Variants in LRRTM4 observed in about 807,000 individuals in gnomAD.
The protein encoded by LRRTM4 is leucine-rich repeat transmembrane neuronal protein 4.
A neutral mutation model predicts 47.6 loss-of-function variants in LRRTM4; 25 were observed. That is an observed-to-expected ratio of 0.53 (90% confidence interval 0.38 to 0.73). The LOEUF is 0.73. Ranked by LOEUF, LRRTM4 falls within the 30% of genes least tolerant of loss-of-function variation. The probability of loss-of-function intolerance (pLI) is 0.00; values close to 1 mark genes in which losing one functional copy is unlikely to be tolerated. For synonymous variants in LRRTM4, 311 were observed against 269.5 expected (o/e 1.15, Z -1.51); for missense variants, 638 against 713.4 (o/e 0.89, Z 1.20).
intron 3 of LRRTM4, among the ~76,000 whole-genome samples, chr2:77,369,312 T>C (rs1672570719): frequency 6.6e-6 from 1 of 151,698 alleles, no homozygotes; most frequent in African/African-American, 2.4e-5. Context: ...TTATTTATTT[T>C]TGCTTTTGTA....
chr2:77,081,357 T>C (rs1001737066), intron 3 of LRRTM4, among the ~76,000 whole-genome samples: 2 of 151,840 alleles, frequency 1.3e-5, no homozygotes, highest in Non-Finnish European at 2.9e-5. Context: ...ATATTTCTAT[T>C]ATAAAATGTA....
intron 3 of LRRTM4, among the ~76,000 whole-genome samples, chr2:76,867,646 G>A (rs748557755): frequency 3.9e-5 from 6 of 152,122 alleles, no homozygotes; most frequent in Non-Finnish European, 7.4e-5. Flanking sequence ...AAATCCAATA[G>A]CAATATACTC....
chr2:77,261,813 AT>A (rs199806636), intron 3 of LRRTM4, among the ~76,000 whole-genome samples: 2,111 of 152,154 alleles, frequency 0.014, 61 homozygotes, highest in African/African-American at 0.048. Context: ...GTACTTTCTG[AT>A]TTACTTAACA....
rs1013939116 is a variant in LRRTM4 at position 77,174,653 on chromosome 2, G to GT, written c.1551+343664dup. On this transcript the variant is annotated intron_variant, in intron 3 of 3. Coordinates refer to ENST00000409884, the MANE Select transcript of LRRTM4 (RefSeq NM_001134745.3). ...GGCTGCCTGGTTGTTTTTTTTGTTT[G>GT]TTTTTTTTATACTTTAAGTTTTAGG... Among the ~76,000 whole-genome samples the GT allele has an allele frequency of 4.7e-5, 7 of 150,464 alleles. No individual in the cohort carries two copies. The South Asian group carries it at 8.4e-4, about 18-fold the overall frequency.
intron 3 of LRRTM4, among the ~76,000 whole-genome samples, chr2:76,917,132 C>G (rs1458983004): frequency 6.6e-6 from 1 of 152,140 alleles, no homozygotes; most frequent in African/African-American, 2.4e-5. Context: ...ATTGTATAGT[C>G]TTTGTTGCAG....
In LRRTM4 at chr2:76,947,970, T is replaced by C. The variant is rs1675376932; in HGVS notation, c.1552-199054A>G. Among the ~76,000 whole-genome samples the C allele has an allele frequency of 2.6e-5, 4 of 152,008 alleles. No homozygotes were observed. The South Asian group carries it at 8.3e-4, about 32-fold the overall frequency. ...CTCCCTTCTACTCTGGACTGAAGCA[T>C]CTTTCTTAATTGCATGCTCTGAGCT... On this transcript the variant is annotated intron_variant, in intron 3 of 3. Coordinates refer to ENST00000409884, the MANE Select transcript of LRRTM4 (RefSeq NM_001134745.3).
At chr2:76,779,065 G>C (rs1242061774) in intron 3 of LRRTM4, among the ~76,000 whole-genome samples, 1 of 143,234 alleles carries the variant, frequency 7.0e-6, no homozygotes. Context: ...ATGTAGTTGA[G>C]TGGTTTTGAG....
intron 3 of LRRTM4, among the ~76,000 whole-genome samples, chr2:77,298,263 G>T (rs949659546): frequency 6.6e-6 from 1 of 152,178 alleles, no homozygotes; most frequent in Admixed American, 6.5e-5. Flanking sequence ...TTGAGATGAA[G>T]TCTCGCTCTG....
intron 3 of LRRTM4, among the ~76,000 whole-genome samples, chr2:77,157,979 A>C (rs944946675): frequency 6.6e-6 from 1 of 152,198 alleles, no homozygotes. Flanking sequence ...GAATTAAAAA[A>C]CATTCAAAAG....
At chr2:77,411,438 C>G (rs1246912001) in intron 3 of LRRTM4, among the ~76,000 whole-genome samples, 2 of 147,488 alleles carry the variant, frequency 1.4e-5, no homozygotes, top group African/African-American at 5.0e-5. Flanking sequence ...CTCTCTCTCT[C>G]TCTCTCTTTC....
rs185558312 is a variant in LRRTM4 at position 76,830,024 on chromosome 2, C to A, written c.1552-81108G>T. The stretch of plus-strand genomic sequence containing the variant: ...CATCCAATTAACCTTAGACTACCAA[C>A]AGGGTGTATTACAGAACTCTGAGCA... On this transcript the variant is annotated intron_variant, in intron 3 of 3. Coordinates refer to ENST00000409884, the MANE Select transcript of LRRTM4 (RefSeq NM_001134745.3). Among the ~76,000 whole-genome samples the A allele has an allele frequency of 2.2e-3, 339 of 152,058 alleles. 3 individuals carry two copies. Among genetic ancestry groups the A allele is most frequent in the African/African-American group, 8.1e-3 (336 of 41,482 alleles).
chr2:76,910,994 T>C (rs750446040), intron 3 of LRRTM4, among the ~76,000 whole-genome samples: 2 of 152,230 alleles, frequency 1.3e-5, no homozygotes, highest in African/African-American at 2.4e-5. Context: ...TGAACACTAA[T>C]GCAGTGCAAC....
chr2:76,755,420 A>G (rs11126561), intron 3 of LRRTM4, among the ~76,000 whole-genome samples: 37,097 of 152,056 alleles, frequency 0.24, 5,034 homozygotes, highest in East Asian at 0.51. Context: ...ACTAACTCCA[A>G]TTTCCCATCC....
intron 3 of LRRTM4, among the ~76,000 whole-genome samples, chr2:77,509,873 C>A (rs1160391957): frequency 6.6e-6 from 1 of 152,122 alleles, no homozygotes; most frequent in Admixed American, 6.5e-5. Flanking sequence ...TCTAAGACCT[C>A]TTTTTCACCC....
chr2:77,134,058 A>G (rs1187539808), intron 3 of LRRTM4, among the ~76,000 whole-genome samples: 1 of 152,190 alleles, frequency 6.6e-6, no homozygotes, highest in Non-Finnish European at 1.5e-5. Flanking sequence ...TCTATTACAT[A>G]TAAATAACAC....
At chr2:77,135,520 T>C (rs572463910) in intron 3 of LRRTM4, among the ~76,000 whole-genome samples, 1 of 152,346 alleles carries the variant, frequency 6.6e-6, no homozygotes, top group South Asian at 2.1e-4. Context: ...GACAGTGCTA[T>C]GTATACAATA....
chr2:77,056,012 G>A (rs1286019925), intron 3 of LRRTM4, among the ~76,000 whole-genome samples: 3 of 140,856 alleles, frequency 2.1e-5, no homozygotes, highest in Admixed American at 1.5e-4. Flanking sequence ...GACACAGGAA[G>A]GGGAACATCA....
chr2:76,927,463 T>C lies in LRRTM4; in HGVS notation c.1552-178547A>G, dbSNP rs141363875. Among the ~76,000 whole-genome samples the C allele has an allele frequency of 5.0e-3, 758 of 152,250 alleles. 12 individuals carry two copies. Among genetic ancestry groups the C allele is most frequent in the African/African-American group, 0.017 (711 of 41,564 alleles). On this transcript the variant is annotated intron_variant, in intron 3 of 3. Coordinates refer to ENST00000409884, the MANE Select transcript of LRRTM4 (RefSeq NM_001134745.3). Reference sequence around the variant, plus strand: ...GTGAGAGATAATAAAGCAGATGCCATACATAAACAGAGACAAAAGATGGAA... The same window carrying C: ...GTGAGAGATAATAAAGCAGATGCCACACATAAACAGAGACAAAAGATGGAA...
chr2:76,762,962 T>A (rs1281243368), intron 3 of LRRTM4, among the ~76,000 whole-genome samples: 1 of 152,214 alleles, frequency 6.6e-6, no homozygotes, highest in East Asian at 1.9e-4. Context: ...TTATGTAATA[T>A]GACTGACGGA....
Sources: allele counts gnomAD v4.1 joint callset (sites outside exome capture counted in the v4.1 genomes callset), GRCh38; gene constraint gnomAD v4.1.1; transcripts MANE v1.5; gene names NCBI Gene and HGNC (gene_info 2026-07-23, HGNC 2026-07-21).